Variants in MPP7 observed in about 807,000 individuals in gnomAD.
MPP7 encodes MAGUK p55 scaffold protein 7, also known as MAGUK p55 subfamily member 7.
A neutral mutation model predicts 76.5 loss-of-function variants in MPP7; 60 were observed. The observed-to-expected ratio is 0.78, with a 90% CI of 0.64 to 0.97. MPP7 has a LOEUF of 0.97. Ranked by LOEUF, MPP7 falls within the 50% of genes least tolerant of loss-of-function variation. The pLI, the probability that MPP7 is intolerant of heterozygous loss-of-function variation, is 0.00. For synonymous variants in MPP7, 237 were observed against 244.5 expected, an observed-to-expected ratio of 0.97 and a Z score of 0.29; for missense variants, 641 against 694.0, an observed-to-expected ratio of 0.92 and a Z score of 0.86.
upstream of MPP7, chr10:28,303,169 G>C (rs184330025): frequency 5.5e-5 from 8 of 144,764 alleles, no homozygotes; most frequent in African/African-American, 2.1e-4. Flanking sequence ...AAGGCGATAG[G>C]CGTCTCAGAC....
intron 1 of MPP7, among the ~76,000 whole-genome samples, chr10:28,266,077 A>G (rs1319154337): frequency 6.6e-6 from 1 of 152,132 alleles, no homozygotes; most frequent in African/African-American, 2.4e-5. Context: ...CTCCTGCCTC[A>G]GCCTCCCTAG....
chr10:28,240,646 C>T (rs1027918231), intron 1 of MPP7, among the ~76,000 whole-genome samples: 24 of 152,056 alleles, frequency 1.6e-4, no homozygotes, highest in Admixed American at 1.3e-4. Context: ...CTAATGCACA[C>T]GTATGGAGCT....
intron 11 of MPP7, among the ~76,000 whole-genome samples, chr10:28,100,956 G>A (rs1853797034): frequency 1.3e-5 from 2 of 151,970 alleles, no homozygotes. Context: ...AAAGAAATAA[G>A]CTCTTACTTA....
At chr10:28,078,715 G>A (rs1226765732) in intron 12 of MPP7, among the ~76,000 whole-genome samples, 1 of 152,212 alleles carries the variant, frequency 6.6e-6, no homozygotes, top group Non-Finnish European at 1.5e-5. Context: ...TGGGAAAAAT[G>A]TGTGTCAATT....
chr10:28,080,604 T>G (rs1163582941), intron 12 of MPP7, among the ~76,000 whole-genome samples: 1 of 152,240 alleles, frequency 6.6e-6, no homozygotes, highest in Non-Finnish European at 1.5e-5. Context: ...AATGTTTGTG[T>G]GCTCAGAACA....
At chr10:28,333,658 G>A (rs902797174) in intron 1 of MPP7, among the ~76,000 whole-genome samples, 3 of 152,204 alleles carry the variant, frequency 2.0e-5, no homozygotes, top group Admixed American at 6.5e-5. Context: ...GATAATTACA[G>A]TCTAATTTTC....
chr10:28,227,731 T>G lies in MPP7; in HGVS notation c.37+10837A>C, dbSNP rs139960905. 9.9e-3 allele frequency among the ~76,000 whole-genome samples: 1,506 copies of G among 152,284 alleles called. 25 individuals carry two copies. The highest frequency in any genetic ancestry group is 0.065 in the East Asian group (336 of 5,184). On this transcript the variant is annotated intron_variant, in intron 2 of 16. Transcript: ENST00000683449. ...TATCCAGTCTATCATTGATGGACAT[T>G]TGAGTTGATTCCATGTCTTTGCTAC... is the stretch of plus-strand genomic sequence containing the variant.
At chr10:28,128,791 C>A (rs1287836999) in intron 6 of MPP7, among the ~76,000 whole-genome samples, 1 of 152,014 alleles carries the variant, frequency 6.6e-6, no homozygotes, top group African/African-American at 2.4e-5. Flanking sequence ...GATGGATATA[C>A]GAATTTAAAG....
chr10:28,233,717 CAAA>C (rs752333257), intron 2 of MPP7, among the ~76,000 whole-genome samples: 7 of 73,370 alleles, frequency 9.5e-5, no homozygotes, highest in African/African-American at 5.0e-5. Context: ...GACTCCGTCT[CAAA>C]AAAAAAAAAA....
chr10:28,144,764 G>A (rs745700018), intron 5 of MPP7, among the ~76,000 whole-genome samples: 6 of 151,970 alleles, frequency 3.9e-5, no homozygotes, highest in South Asian at 4.1e-4. Context: ...TGGGTTTAGC[G>A]CCATTCCTAT....
chr10:28,212,127 AT>A (rs971189623), intron 2 of MPP7, among the ~76,000 whole-genome samples: 2 of 152,050 alleles, frequency 1.3e-5, no homozygotes, highest in African/African-American at 2.4e-5. Flanking sequence ...AAAAAAAAAA[AT>A]AAATGAGTGA....
chr10:28,319,434 T>G (rs906584093), intron 2 of MPP7, among the ~76,000 whole-genome samples: 45 of 152,188 alleles, frequency 3.0e-4, no homozygotes, highest in Non-Finnish European at 4.4e-5. Context: ...CCCAGCACTT[T>G]GGGAGGCTGA....
At chr10:28,276,020 C>T (rs1318631431) in intron 1 of MPP7, among the ~76,000 whole-genome samples, 1 of 149,896 alleles carries the variant, frequency 6.7e-6, no homozygotes, top group Non-Finnish European at 1.5e-5. Flanking sequence ...ACCAAAAAGG[C>T]CATCACATAC....
At chr10:28,163,088 C>A (rs117923453) in intron 3 of MPP7, among the ~76,000 whole-genome samples, 1 of 152,086 alleles carries the variant, frequency 6.6e-6, no homozygotes, top group Non-Finnish European at 1.5e-5. Context: ...GGGAGAAAGA[C>A]GTCTTGAGGG....
At chr10:28,151,537 T>C (rs568383204) in intron 3 of MPP7, among the ~76,000 whole-genome samples, 1 of 152,338 alleles carries the variant, frequency 6.6e-6, no homozygotes, top group Admixed American at 6.5e-5. Context: ...TGTTTAAATG[T>C]CTGCTTCCCT....
rs1834783545 is a variant in MPP7, at chr10:28,120,089, G to A, written c.887+105C>T. Reference sequence around the variant, plus strand: ...AAACCCACAGGATAAAAAATTCTAAGGCAAGGTTTTATAGCATATTTTATC... The same window carrying A: ...AAACCCACAGGATAAAAAATTCTAAAGCAAGGTTTTATAGCATATTTTATC... On this transcript the variant is annotated intron_variant, in intron 10 of 16. Coordinates refer to ENST00000683449, the MANE Select transcript of MPP7 (RefSeq NM_001318170.2). 6.4e-6 allele frequency: 8 copies of A among 1,247,002 alleles called. No individual in the cohort carries two copies. In the South Asian group the frequency reaches 1.1e-4, roughly 18 times the overall value. 77.2% of individuals were successfully genotyped at this position (1,247,002 alleles called of 1,614,324 possible).
At chr10:28,239,154 T>TA (rs200157806) in intron 1 of MPP7, among the ~76,000 whole-genome samples, 5,411 of 151,762 alleles carry the variant, frequency 0.036, 183 homozygotes, top group African/African-American at 0.081. Flanking sequence ...TATTTTTATT[T>TA]TTTTTTTTGA....
chr10:28,197,411 G>A (rs974960783), intron 3 of MPP7, among the ~76,000 whole-genome samples: 2 of 151,910 alleles, frequency 1.3e-5, no homozygotes, highest in African/African-American at 4.8e-5. Flanking sequence ...TCGAACTGTT[G>A]ACCTCAAGTG....
At chr10:28,208,390 G>A (rs147467802) in intron 2 of MPP7, among the ~76,000 whole-genome samples, 3 of 152,246 alleles carry the variant, frequency 2.0e-5, no homozygotes, top group Middle Eastern at 6.8e-3. Flanking sequence ...TATCCTGGGG[G>A]TGTATATAAC....
Sources: allele counts gnomAD v4.1 joint callset (sites outside exome capture counted in the v4.1 genomes callset), GRCh38; gene constraint gnomAD v4.1.1; transcripts MANE v1.5; gene names NCBI Gene and HGNC (gene_info 2026-07-23, HGNC 2026-07-21).